Variants in TCF7L2 observed in about 807,000 individuals in gnomAD.
The protein encoded by TCF7L2 is transcription factor 7 like 2, also known as transcription factor 7-like 2.
TCF7L2 carries 23 observed loss-of-function variants against 77.9 expected under a neutral mutation model. The observed-to-expected ratio is 0.30, with a 90% confidence interval of 0.21 to 0.42. TCF7L2 has a LOEUF of 0.42. Among genes scored for constraint, TCF7L2 ranks in the 10% least tolerant of loss-of-function variants. The pLI, the probability that TCF7L2 is intolerant of heterozygous loss-of-function variation, is 1.00. For missense variants in TCF7L2, 654 were observed against 793.1 expected, an observed-to-expected ratio of 0.82 and a Z score of 2.11; for synonymous variants, 413 against 340.2, an observed-to-expected ratio of 1.21 and a Z score of -2.36.
chr10:113,127,744 G>A (rs1477321255), intron 5 of TCF7L2, among the ~76,000 whole-genome samples: 7 of 152,068 alleles, frequency 4.6e-5, no homozygotes, highest in Admixed American at 4.6e-4. Flanking sequence ...CGATGGGATG[G>A]CAAATATCCG....
At chr10:112,987,410 C>T (rs1160266973) in intron 4 of TCF7L2, 1 of 135,240 alleles carries the variant, frequency 7.4e-6, no homozygotes, top group Non-Finnish European at 1.5e-5. Flanking sequence ...TTCCAGGAAG[C>T]AGAAGTTTTT....
At chr10:113,141,374 C>T (rs1293141341) in intron 6 of TCF7L2, 58 bp downstream of exon 6, 3 of 1,609,796 alleles carry the variant, frequency 1.9e-6, no homozygotes, top group South Asian at 2.2e-5. Context: ...CTGGGGGAAC[C>T]TTTGAGGCCT....
intron 3 of TCF7L2, among the ~76,000 whole-genome samples, chr10:112,958,622 TATAA>T (rs989986605): frequency 6.6e-6 from 1 of 151,980 alleles, no homozygotes; most frequent in Non-Finnish European, 1.5e-5. Flanking sequence ...AGAGTGACGC[TATAA>T]ATATTTACTG....
intron 4 of TCF7L2, among the ~76,000 whole-genome samples, chr10:113,000,205 G>A (rs888230274): frequency 6.6e-6 from 1 of 152,198 alleles, no homozygotes; most frequent in Non-Finnish European, 1.5e-5. Flanking sequence ...TCTGAGACGA[G>A]TCTCACTCTG....
intron 11 of TCF7L2, among the ~76,000 whole-genome samples, chr10:113,155,712 T>C (rs2071730822): frequency 6.6e-6 from 1 of 152,216 alleles, no homozygotes; most frequent in South Asian, 2.1e-4. Context: ...TTAAAACATT[T>C]CTGTGCCCAG....
At chr10:113,003,486 A>T (rs2044877254) in intron 4 of TCF7L2, among the ~76,000 whole-genome samples, 3 of 152,128 alleles carry the variant, frequency 2.0e-5, no homozygotes, top group South Asian at 4.1e-4. Context: ...AGAAAGAATG[A>T]CTGCCCTCTA....
At chr10:112,987,428 T>C (rs2041753148) in intron 4 of TCF7L2, 2 of 152,050 alleles carry the variant, frequency 1.3e-5, no homozygotes, top group South Asian at 2.1e-4. Context: ...TTTTTTTTTT[T>C]TTTTTCCCCC....
At chr10:112,973,092 G>C (rs1436813828) in intron 4 of TCF7L2, among the ~76,000 whole-genome samples, 1 of 152,158 alleles carries the variant, frequency 6.6e-6, no homozygotes. Flanking sequence ...AGAATCCTGG[G>C]TTCTACTCCT....
chr10:113,019,409 C>A (rs538876662), intron 4 of TCF7L2, among the ~76,000 whole-genome samples: 15 of 152,182 alleles, frequency 9.9e-5, no homozygotes, highest in African/African-American at 3.4e-4. Flanking sequence ...GCCCATGAGT[C>A]CTTCTGGGTG....
intron 5 of TCF7L2, among the ~76,000 whole-genome samples, chr10:113,067,124 G>A (rs2057359023): frequency 6.6e-6 from 1 of 152,190 alleles, no homozygotes; most frequent in East Asian, 1.9e-4. Context: ...TGCTGTGAGT[G>A]GTTTTGAATA....
intron 4 of TCF7L2, among the ~76,000 whole-genome samples, chr10:112,989,824 G>A (rs2042209619): frequency 6.6e-6 from 1 of 152,150 alleles, no homozygotes; most frequent in African/African-American, 2.4e-5. Flanking sequence ...TGTTTCAGGG[G>A]GTTCTGGCTC....
At chr10:112,997,590 G>T (rs1432557468) in intron 4 of TCF7L2, among the ~76,000 whole-genome samples, 3 of 152,210 alleles carry the variant, frequency 2.0e-5, no homozygotes. Flanking sequence ...TTCGTGAAAG[G>T]GTTGACACCA....
intron 4 of TCF7L2, among the ~76,000 whole-genome samples, chr10:112,980,627 C>G (rs1433255291): frequency 7.0e-6 from 1 of 143,332 alleles, no homozygotes; most frequent in Non-Finnish European, 1.5e-5. Context: ...GCATTTGTTT[C>G]TTTTTTTTTT....
intron 13 of TCF7L2, among the ~76,000 whole-genome samples, chr10:113,164,421 G>A (rs1474893192): frequency 2.6e-5 from 4 of 152,036 alleles, no homozygotes; most frequent in Admixed American, 6.5e-5. Context: ...TCCATGCTGC[G>A]ATTCCCTGGC....
intron 13 of TCF7L2, chr10:113,161,415 A>C: frequency 1.5e-6 from 1 of 685,904 alleles, no homozygotes; most frequent in Non-Finnish European, 2.5e-6. Context: ...GTCCAAATTA[A>C]GCACCCATGT....
At chr10:113,031,554 C>T (rs1207191108) in intron 4 of TCF7L2, among the ~76,000 whole-genome samples, 1 of 146,860 alleles carries the variant, frequency 6.8e-6, no homozygotes, top group Non-Finnish European at 1.5e-5. Flanking sequence ...GTTGCACAAT[C>T]TTGGCTCACT....
chr10:113,138,737 C>T (rs1405830729), intron 5 of TCF7L2, among the ~76,000 whole-genome samples: 1 of 152,186 alleles, frequency 6.6e-6, no homozygotes, highest in African/African-American at 2.4e-5. Flanking sequence ...ACCCATGGCT[C>T]TTTGCCTCTG....
At chr10:112,964,003 G>A (rs1177613232) in intron 3 of TCF7L2, among the ~76,000 whole-genome samples, 1 of 152,156 alleles carries the variant, frequency 6.6e-6, no homozygotes, top group South Asian at 2.1e-4. Flanking sequence ...AATGTGTAAG[G>A]CATCGGGTGG....
chr10:113,154,462 C>A (rs11196246), intron 11 of TCF7L2, among the ~76,000 whole-genome samples: 6,760 of 152,120 alleles, frequency 0.044, 412 homozygotes, highest in African/African-American at 0.14. Flanking sequence ...CATAGTAGGG[C>A]CTTCATGTAC....
Sources: gnomAD v4.1 joint callset for allele counts (sites outside exome capture counted in the v4.1 genomes callset) on GRCh38, gnomAD v4.1.1 for gene constraint, MANE v1.5 for transcripts, NCBI Gene and HGNC (gene_info 2026-07-23, HGNC 2026-07-21) for gene names.